ASB18: variants seen among roughly 807,000 people sequenced by gnomAD.
ASB18 encodes the protein ankyrin repeat and SOCS box containing 18.
In ASB18, 33 loss-of-function variants were observed where a neutral mutation model predicts 33.4. That is an observed-to-expected ratio of 0.99 (90% confidence interval 0.75 to 1.32). The LOEUF (loss-of-function observed/expected upper bound fraction) is 1.32. ASB18 is among the 40% of genes most tolerant of loss of function. ASB18 has a pLI of 0.00. For synonymous variants in ASB18, 295 were observed against 307.6 expected (o/e 0.96, Z 0.43); for missense variants, 694 against 655.5 (o/e 1.06, Z -0.64).
intron 1 of ASB18, among the ~76,000 whole-genome samples, chr2:236,242,066 G>A (rs186183693): frequency 1.3e-3 from 193 of 152,224 alleles, no homozygotes; most frequent in Admixed American, 3.0e-3. Context: ...TGAAGCACCC[G>A]ATGTACACCA....
In ASB18 at chr2:236,255,318, A is replaced by AT. The variant is rs970697389; in HGVS notation, c.205+8822dup. Reference sequence around the variant, plus strand: ...ACCACGACGCCCAGCTAATTTATATATTTTTTGTAGAGACGGGGTTTCACC... The same window carrying AT: ...ACCACGACGCCCAGCTAATTTATATATTTTTTTGTAGAGACGGGGTTTCACC... On this transcript the variant is annotated intron_variant, in intron 1 of 5. Transcript: ENST00000409749. The surrounding 1 kb of genome is among the most constrained non-coding windows in gnomAD (Gnocchi z 4.4). Among the ~76,000 whole-genome samples, 10 of 151,812 alleles carry AT rather than the reference A, an allele frequency of 6.6e-5. No individual in the cohort carries two copies. Among genetic ancestry groups the AT allele is most frequent in the African/African-American group, 2.4e-4 (10 of 41,328 alleles).
chr2:236,244,646 C>T lies in ASB18; in HGVS notation c.206-3244G>A, dbSNP rs1217817776. 6.6e-6 allele frequency among the ~76,000 whole-genome samples: 1 copy of T among 152,052 alleles called. No homozygotes were observed. The highest frequency in any genetic ancestry group is 1.5e-5 in the Non-Finnish European group (1 of 68,020). ...TCAAGTGCCCCCCGACCTCTGAGTG[C>T]CCAACCAGAGCAGGCTTTCTGTGTG... On this transcript the variant is annotated intron_variant, in intron 1 of 5. Coordinates refer to ENST00000409749, the MANE Select transcript of ASB18 (RefSeq NM_212556.4). This position sits in a 1 kb window ranked among gnomAD's most constrained non-coding sequence, Gnocchi z 6.1.
Position 236,239,280 on chromosome 2 carries a change from A to G in ASB18, c.329-1324T>C, listed in dbSNP as rs1441601425. Among the ~76,000 whole-genome samples, 4 of 152,082 alleles carry G rather than the reference A, an allele frequency of 2.6e-5. No homozygotes were observed. Among genetic ancestry groups the G allele is most frequent in the Non-Finnish European group, 4.4e-5 (3 of 68,004 alleles). Reference sequence around the variant, plus strand: ...TTCTCTGGGAAATGCTAAATCCCCAACCCAGCCCCACCCTACCCTAGCGCT... The same window carrying G: ...TTCTCTGGGAAATGCTAAATCCCCAGCCCAGCCCCACCCTACCCTAGCGCT... On this transcript the variant is annotated intron_variant, in intron 2 of 5. Coordinates refer to ENST00000409749, the MANE Select transcript of ASB18 (RefSeq NM_212556.4). The surrounding 1 kb of genome is among the most constrained non-coding windows in gnomAD (Gnocchi z 5.6).
rs2060484273 is a variant in ASB18 at position 236,215,655 on chromosome 2, G to T, written c.597-789C>A. On this transcript the variant is annotated intron_variant, in intron 3 of 5. Coordinates refer to ENST00000409749, the MANE Select transcript of ASB18 (RefSeq NM_212556.4). The surrounding 1 kb of genome is among the most constrained non-coding windows in gnomAD (Gnocchi z 7.2). ...TCAGAGCCTCTCCCATCCCCTGGGG[G>T]CACTCTAAACAGCTCAGCCTAGGCT... Among the ~76,000 whole-genome samples the T allele has an allele frequency of 6.6e-6, 1 of 152,070 alleles. No individual in the cohort carries two copies. Among genetic ancestry groups the T allele is most frequent in the Non-Finnish European group, 1.5e-5 (1 of 68,000 alleles).
intron 1 of ASB18, among the ~76,000 whole-genome samples, chr2:236,261,848 GGA>G (rs2106288311): frequency 6.6e-6 from 1 of 152,306 alleles, no homozygotes; most frequent in South Asian, 2.1e-4. Flanking sequence ...CAAGAGATAA[GGA>G]GAGCCAAGTG....
At chr2:236,258,569 G>A (rs904690385) in intron 1 of ASB18, among the ~76,000 whole-genome samples, 5 of 152,148 alleles carry the variant, frequency 3.3e-5, no homozygotes, top group Admixed American at 6.5e-5. Flanking sequence ...AGAGTCAGCC[G>A]TTTGGTTTGT....
rs1160684507 is a variant in ASB18 at position 236,263,001 on chromosome 2, G to A, written c.205+1140C>T. On this transcript the variant is annotated intron_variant, in intron 1 of 5. Transcript: ENST00000409749. This position sits in a 1 kb window ranked among gnomAD's most constrained non-coding sequence, Gnocchi z 4.0. ...TGTCCCATCTGTGTTCCTCCTGCAT[G>A]TTGCGCACACGTGTGCATGTGATGC... Among the ~76,000 whole-genome samples the A allele has an allele frequency of 1.3e-5, 2 of 152,172 alleles. No individual in the cohort carries two copies.
rs939501765 is a variant in ASB18, at chr2:236,213,054, C to T, written c.1101+1308G>A. On this transcript the variant is annotated intron_variant, in intron 4 of 5. Transcript: ENST00000409749. The surrounding 1 kb of genome is among the most constrained non-coding windows in gnomAD (Gnocchi z 4.8). ...CATGTTATAAGTTGATGAACTAAGC[C>T]TGCTAATGATGGGAAACATTAAAAT... Among the ~76,000 whole-genome samples the T allele has an allele frequency of 6.6e-6, 1 of 152,138 alleles. No individual in the cohort carries two copies. Among genetic ancestry groups the T allele is most frequent in the Non-Finnish European group, 1.5e-5 (1 of 68,040 alleles).
At position 236,245,526 on chromosome 2, in the gene ASB18, G is replaced by A. The variant is rs957134315; in HGVS notation, c.206-4124C>T. Among the ~76,000 whole-genome samples the A allele has an allele frequency of 1.3e-5, 2 of 152,198 alleles. No individual in the cohort carries two copies. The highest frequency in any genetic ancestry group is 2.9e-5 in the Non-Finnish European group (2 of 68,040). The stretch of plus-strand genomic sequence containing the variant: ...AGATAGTGCCTTCGTCTCTCCAGGT[G>A]TCTGTGCAGGCTGTTCCTTCTGCCT... On this transcript the variant is annotated intron_variant, in intron 1 of 5. Coordinates refer to ENST00000409749, the MANE Select transcript of ASB18 (RefSeq NM_212556.4). This position sits in a 1 kb window ranked among gnomAD's most constrained non-coding sequence, Gnocchi z 4.7.
In ASB18 at chr2:236,201,856, A is replaced by AT. The variant is rs201545499; in HGVS notation, c.1102-5472dup. ...TATCCTTGGTCAATATCAAATGAAT[A>AT]TTTTTTCCCCTCTCATTTTGTGTAT... On this transcript the variant is annotated intron_variant, in intron 4 of 5. Coordinates refer to ENST00000409749, the MANE Select transcript of ASB18 (RefSeq NM_212556.4). Among the ~76,000 whole-genome samples the AT allele has an allele frequency of 1.6e-3, 244 of 151,664 alleles. 5 individuals carry two copies. The East Asian group carries it at 0.041, about 26-fold the overall frequency.
chr2:236,248,870 T>C lies in ASB18; in HGVS notation c.206-7468A>G, dbSNP rs1162020226. 1.3e-5 allele frequency: 2 copies of C among 152,234 alleles called. No individual in the cohort carries two copies. Among genetic ancestry groups the C allele is most frequent in the African/African-American group, 4.8e-5 (2 of 41,450 alleles). 9.4% of individuals were successfully genotyped at this position (152,234 alleles called of 1,614,324 possible). ...CAGAGCAACAGGCCGATTCAATCAA[T>C]GCCACCAGGCAGCATTCAAACTGCA... On this transcript the variant is annotated intron_variant, in intron 1 of 5. Transcript: ENST00000409749. The surrounding 1 kb of genome is among the most constrained non-coding windows in gnomAD (Gnocchi z 4.9).
rs1439937266 is a variant in ASB18 at position 236,248,703 on chromosome 2, T to C, written c.206-7301A>G. On this transcript the variant is annotated intron_variant, in intron 1 of 5. Coordinates refer to ENST00000409749, the MANE Select transcript of ASB18 (RefSeq NM_212556.4). The surrounding 1 kb of genome is among the most constrained non-coding windows in gnomAD (Gnocchi z 4.9). Reference sequence around the variant, plus strand: ...CATGGAATCCGTGACCCTTGCAATGTGGTGTGGAATGCCTTTTATCCCTGG... The same window carrying C: ...CATGGAATCCGTGACCCTTGCAATGCGGTGTGGAATGCCTTTTATCCCTGG... 2.4e-4 allele frequency: 36 copies of C among 152,196 alleles called. No individual in the cohort carries two copies. The highest frequency in any genetic ancestry group is 2.4e-3 in the Admixed American group (36 of 15,280). The allele number at this position is 152,196 out of a possible 1,614,324, so 9.4% of individuals were successfully genotyped here.
chr2:236,207,606 C>T (rs533902421), intron 4 of ASB18, among the ~76,000 whole-genome samples: 1 of 95,382 alleles, frequency 1.0e-5, no homozygotes, highest in East Asian at 2.3e-4. Flanking sequence ...ACTCTGTGCC[C>T]AGCCGGGAGA....
In ASB18 at chr2:236,235,787, G is replaced by T. The variant is rs2106277558; in HGVS notation, c.596+1902C>A. Among the ~76,000 whole-genome samples the T allele has an allele frequency of 6.6e-6, 1 of 152,298 alleles. No homozygotes were observed. On this transcript the variant is annotated intron_variant, in intron 3 of 5. Coordinates refer to ENST00000409749, the MANE Select transcript of ASB18 (RefSeq NM_212556.4). The surrounding 1 kb of genome is among the most constrained non-coding windows in gnomAD (Gnocchi z 6.2). ...AGTGGCGTGAACATGGCTTACTCCT[G>T]TGCTCAAGCGATCCTCCCACCTCAG...
chr2:236,214,313 A>C lies in ASB18; in HGVS notation c.1101+49T>G. 6.5e-7 allele frequency: 1 copy of C among 1,535,030 alleles called. No homozygotes were observed. Among genetic ancestry groups the C allele is most frequent in the Non-Finnish European group, 8.7e-7 (1 of 1,143,418 alleles). ...AACCCAGCTCCCAGGCCGGTCACTAAGTGGCAAAACTCCAGGGCACGTGCC... is the reference window on the plus strand; with the variant it reads ...AACCCAGCTCCCAGGCCGGTCACTACGTGGCAAAACTCCAGGGCACGTGCC... On this transcript the variant is annotated intron_variant, in intron 4 of 5. Coordinates refer to ENST00000409749, the MANE Select transcript of ASB18 (RefSeq NM_212556.4). This position sits in a 1 kb window ranked among gnomAD's most constrained non-coding sequence, Gnocchi z 6.5.
At position 236,255,747 on chromosome 2, in the gene ASB18, A is replaced by C. The variant is rs190939313; in HGVS notation, c.205+8394T>G. On this transcript the variant is annotated intron_variant, in intron 1 of 5. Transcript: ENST00000409749. The surrounding 1 kb of genome is among the most constrained non-coding windows in gnomAD (Gnocchi z 4.4). ...GTAAACACCTGTGCCTAGAATGTGT[A>C]GCCTCAAACAATATCGTCCCAATCT... 5.3e-5 allele frequency among the ~76,000 whole-genome samples: 8 copies of C among 152,290 alleles called. No homozygotes were observed. Among genetic ancestry groups the C allele is most frequent in the South Asian group, 4.1e-4 (2 of 4,826 alleles).
chr2:236,257,915 A>C lies in ASB18; in HGVS notation c.205+6226T>G, dbSNP rs2060700293. 6.6e-6 allele frequency among the ~76,000 whole-genome samples: 1 copy of C among 152,058 alleles called. No individual in the cohort carries two copies. The highest frequency in any genetic ancestry group is 1.5e-5 in the Non-Finnish European group (1 of 68,000). On this transcript the variant is annotated intron_variant, in intron 1 of 5. Coordinates refer to ENST00000409749, the MANE Select transcript of ASB18 (RefSeq NM_212556.4). This position sits in a 1 kb window ranked among gnomAD's most constrained non-coding sequence, Gnocchi z 5.5. ...TCAGCTGGAGGAGTGGAAAGGGGAG[A>C]GCTCTTGGAGATGCTCTCACCTGTT...
rs1253561989 is a variant in ASB18 at position 236,221,084 on chromosome 2, G to A, written c.597-6218C>T. On this transcript the variant is annotated intron_variant, in intron 3 of 5. Transcript: ENST00000409749. The surrounding 1 kb of genome is among the most constrained non-coding windows in gnomAD (Gnocchi z 5.6). ...AGTTCATCTTTGAGGTTTAAGCAGT[G>A]GTCTAAAGGGCAGGGCCCGGCAGAG... is the stretch of plus-strand genomic sequence containing the variant. 6.6e-6 allele frequency among the ~76,000 whole-genome samples: 1 copy of A among 152,118 alleles called. No homozygotes were observed. Among genetic ancestry groups the A allele is most frequent in the Admixed American group, 6.5e-5 (1 of 15,270 alleles).
In ASB18 at chr2:236,195,696, A is replaced by G. The variant is rs1430803669; in HGVS notation, c.1215+576T>C. Among the ~76,000 whole-genome samples the G allele has an allele frequency of 1.3e-5, 2 of 152,078 alleles. No individual in the cohort carries two copies. Among genetic ancestry groups the G allele is most frequent in the Admixed American group, 1.3e-4 (2 of 15,250 alleles). On this transcript the variant is annotated intron_variant, in intron 5 of 5. Coordinates refer to ENST00000409749, the MANE Select transcript of ASB18 (RefSeq NM_212556.4). This position sits in a 1 kb window ranked among gnomAD's most constrained non-coding sequence, Gnocchi z 5.5. ...ATGCTTGGGTAATTTCTGTATTTTC[A>G]GTAAAGACAAGCTTTCACCATGTTG...
Sources: allele counts gnomAD v4.1 joint callset (sites outside exome capture counted in the v4.1 genomes callset), GRCh38; gene constraint gnomAD v4.1.1; non-coding constraint Gnocchi (gnomAD v3.1); transcripts MANE v1.5; gene names NCBI Gene and HGNC (gene_info 2026-07-23, HGNC 2026-07-21).